The following RPH3AL variants were observed in gnomAD, a reference collection of about 807,000 sequenced individuals.
RPH3AL encodes rabphilin 3A like (without C2 domains), also known as rab effector Noc2.
RPH3AL carries 38 observed loss-of-function variants against 43.1 expected under a neutral mutation model. That is an observed-to-expected ratio of 0.88 (90% CI 0.68 to 1.15). RPH3AL has a LOEUF of 1.15. Ranked by LOEUF, RPH3AL falls within the 50% of genes most tolerant of loss-of-function variation. The probability of loss-of-function intolerance (pLI) is 0.00; values close to 1 mark genes in which losing one functional copy is unlikely to be tolerated. For missense variants in RPH3AL, 462 were observed against 423.2 expected, an observed-to-expected ratio of 1.09 and a Z score of -0.81; for synonymous variants, 189 against 176.3, an observed-to-expected ratio of 1.07 and a Z score of -0.57.
At chr17:233,099 G>A (rs2041269641) in intron 7 of RPH3AL, among the ~76,000 whole-genome samples, 1 of 151,686 alleles carries the variant, frequency 6.6e-6, no homozygotes, top group Non-Finnish European at 1.5e-5. Context: ...TGCTGGGTGG[G>A]TCTGACGGGA....
Position 219,657 on chromosome 17 carries a change from C to A in RPH3AL, c.693G>T (p.Arg231Ser). The A allele has an allele frequency of 1.9e-6, 3 of 1,611,482 alleles. No individual in the cohort carries two copies. The highest frequency in any genetic ancestry group is 2.5e-6 in the Non-Finnish European group (3 of 1,179,546). Reference sequence around the variant, plus strand: ...TCCAGGGTTTGTCGCCTTTCCGGTCCCTGACCCCAGTGGATGGGAGTCTGT... The same window carrying A: ...TCCAGGGTTTGTCGCCTTTCCGGTCACTGACCCCAGTGGATGGGAGTCTGT... ...LEDRLPSTGV[R>S]DRKGDKPWKE... Residue 231 changes from arginine (R) to serine (S), a missense_variant, in exon 8 of 10, where the codon AGG (arginine) becomes AGT (serine). Physicochemically the swap from Arg to Ser is moderately radical, Grantham distance 110. Transcript: ENST00000331302.
chr17:315,051 C>A, intron 5 of RPH3AL, among the ~76,000 whole-genome samples: 1 of 147,362 alleles, frequency 6.8e-6, no homozygotes, highest in East Asian at 2.0e-4. Context: ...TACTCCACCT[C>A]CACTGAACTG....
rs1268891160 is a variant in RPH3AL at position 344,470 on chromosome 17, C to A, written c.-213+8242G>T. ...ATCATCACCACTATCATGACCATCA[C>A]CCACATCATCATCACCATCACTGTC... On this transcript the variant is annotated intron_variant, in intron 1 of 9. Transcript: ENST00000331302. 1.6e-5 allele frequency among the ~76,000 whole-genome samples: 2 copies of A among 124,822 alleles called. 1 individual carries two copies. Among genetic ancestry groups the A allele is most frequent in the East Asian group, 5.1e-4 (2 of 3,930 alleles). The allele number at this position is 124,822 out of a possible 152,430, so 81.9% of individuals were successfully genotyped here.
At chr17:315,131 G>C (rs971876005) in intron 5 of RPH3AL, among the ~76,000 whole-genome samples, 1 of 146,642 alleles carries the variant, frequency 6.8e-6, no homozygotes. Context: ...TGTAGTCTCT[G>C]TGCTCCACCT....
intron 6 of RPH3AL, among the ~76,000 whole-genome samples, chr17:279,275 A>G (rs2042725591): frequency 6.6e-6 from 1 of 152,184 alleles, no homozygotes. Flanking sequence ...TGGTACCCAC[A>G]GGTACCCAGG....
intron 1 of RPH3AL, among the ~76,000 whole-genome samples, chr17:347,595 A>T (rs1021995239): frequency 2.6e-5 from 4 of 150,968 alleles, no homozygotes; most frequent in African/African-American, 4.9e-5. Flanking sequence ...AAAAAAAACC[A>T]GCCCAGCCAC....
intron 4 of RPH3AL, among the ~76,000 whole-genome samples, chr17:320,521 G>A (rs2044437851): frequency 6.6e-6 from 1 of 152,022 alleles, no homozygotes; most frequent in African/African-American, 2.4e-5. Flanking sequence ...CCCACGCACG[G>A]TCCTAGCTAC....
At position 264,971 on chromosome 17, in the gene RPH3AL, A is replaced by G. The variant is rs1385073474; in HGVS notation, c.438+16797T>C. ...ATGCTTTGAAAGTAGATATAAAAGA[A>G]TCAGTTAACAAAACAAATCTGACCC... On this transcript the variant is annotated intron_variant, in intron 6 of 9. Transcript: ENST00000331302. This position sits in a 1 kb window ranked among gnomAD's most constrained non-coding sequence, Gnocchi z 4.8. Among the ~76,000 whole-genome samples the G allele has an allele frequency of 6.6e-6, 1 of 152,226 alleles. No homozygotes were observed. The highest frequency in any genetic ancestry group is 1.5e-5 in the Non-Finnish European group (1 of 68,040).
chr17:270,073 C>T (rs932224076), intron 6 of RPH3AL, among the ~76,000 whole-genome samples: 14 of 152,082 alleles, frequency 9.2e-5, no homozygotes, highest in Admixed American at 4.6e-4. Context: ...GCGTGGGAGG[C>T]GACCAACACA....
intron 7 of RPH3AL, among the ~76,000 whole-genome samples, chr17:228,928 C>G (rs1027552650): frequency 3.9e-5 from 6 of 152,202 alleles, no homozygotes; most frequent in Non-Finnish European, 8.8e-5. Context: ...CTGGTCCTGC[C>G]TTGGATGCTC....
intron 3 of RPH3AL, among the ~76,000 whole-genome samples, chr17:326,110 C>T (rs909483517): frequency 7.9e-5 from 12 of 152,328 alleles, no homozygotes; most frequent in Middle Eastern, 3.4e-3. Context: ...CTACCCTGCC[C>T]GGGAGGACAC....
Position 215,623 on chromosome 17 carries a change from A to G in RPH3AL, c.876+31T>C. 7.9e-7 allele frequency: 1 copy of G among 1,260,260 alleles called. No homozygotes were observed. 78.1% of individuals were successfully genotyped at this position (1,260,260 alleles called of 1,614,324 possible). ...GAGAGGACACGGCCGCGGGGGCAGG[A>G]GAGGGGAGAAGGCAGCAGTTGGGTA... On this transcript the variant is annotated intron_variant, in intron 9 of 9. Transcript: ENST00000331302. This position sits in a 1 kb window ranked among gnomAD's most constrained non-coding sequence, Gnocchi z 4.1.
chr17:232,833 T>C (rs1258874597), intron 7 of RPH3AL, among the ~76,000 whole-genome samples: 1 of 5,582 alleles, frequency 1.8e-4, no homozygotes, highest in Non-Finnish European at 3.8e-4. Flanking sequence ...TTCCGGCGTG[T>C]GTGTGTGTGT....
chr17:298,454 T>G (rs1298583159), intron 5 of RPH3AL, among the ~76,000 whole-genome samples: 1 of 151,948 alleles, frequency 6.6e-6, no homozygotes, highest in Non-Finnish European at 1.5e-5. Context: ...CCTGGCATTT[T>G]GGGAGGCTGA....
chr17:302,878 C>T (rs547342308), intron 5 of RPH3AL, among the ~76,000 whole-genome samples: 67 of 152,280 alleles, frequency 4.4e-4, no homozygotes, highest in African/African-American at 1.1e-3. Context: ...TGTGTGAGTG[C>T]GAAGAGACAG....
At chr17:307,189 G>A (rs117717523) in intron 5 of RPH3AL, among the ~76,000 whole-genome samples, 42 of 69,040 alleles carry the variant, frequency 6.1e-4, no homozygotes, top group Admixed American at 1.8e-3. Flanking sequence ...TCCTCCCCGC[G>A]GCAGGTCCTC....
intron 3 of RPH3AL, among the ~76,000 whole-genome samples, chr17:326,357 T>A (rs867574835): frequency 4.6e-5 from 7 of 152,250 alleles, no homozygotes; most frequent in South Asian, 2.1e-4. Flanking sequence ...CAATTTTTTT[T>A]AATTTGGTCC....
chr17:340,208 T>C (rs997289296), intron 1 of RPH3AL, among the ~76,000 whole-genome samples: 3 of 151,940 alleles, frequency 2.0e-5, no homozygotes, highest in African/African-American at 7.3e-5. Flanking sequence ...AAGGCCCCGC[T>C]CCACCCAAAC....
chr17:306,152 C>A (rs369233311), intron 5 of RPH3AL, among the ~76,000 whole-genome samples: 3 of 151,924 alleles, frequency 2.0e-5, no homozygotes, highest in Non-Finnish European at 4.4e-5. Flanking sequence ...TGAGCCACTG[C>A]GCCCGACTTC....
Sources: gnomAD v4.1 joint callset for allele counts (sites outside exome capture counted in the v4.1 genomes callset) on GRCh38, gnomAD v4.1.1 for gene constraint, Gnocchi (gnomAD v3.1) non-coding constraint, MANE v1.5 for transcripts, NCBI Gene and HGNC (gene_info 2026-07-23, HGNC 2026-07-21) for gene names.